Variants in TASP1 observed in about 807,000 individuals in gnomAD.
TASP1 encodes threonine aspartase 1.
In TASP1, 16 loss-of-function variants were observed where a neutral mutation model predicts 56.6. That is an observed-to-expected ratio of 0.28 (90% CI 0.19 to 0.43). TASP1 has a LOEUF of 0.43. TASP1 is among the 20% of genes least tolerant of loss of function. The pLI is 1.00. For missense variants in TASP1, 393 were observed against 511.6 expected, an observed-to-expected ratio of 0.77 and a Z score of 2.24; for synonymous variants, 179 against 184.2, an observed-to-expected ratio of 0.97 and a Z score of 0.23.
chr20:13,391,460 A>G (rs1486273341), intron 13 of TASP1, among the ~76,000 whole-genome samples: 1 of 152,160 alleles, frequency 6.6e-6, no homozygotes, highest in Non-Finnish European at 1.5e-5. Context: ...AACTTCACGC[A>G]ATCCTCTCTA....
At chr20:13,230,769 A>G in the TASP1 span, among the ~76,000 whole-genome samples, 13,118 of 151,802 alleles carry the variant, frequency 0.086, 678 homozygotes, top group East Asian at 0.22. Flanking sequence ...AAGAAAAGAA[A>G]AAAAAACCTC....
chr20:13,246,939 T>A, the TASP1 span, among the ~76,000 whole-genome samples: 3 of 151,422 alleles, frequency 2.0e-5, no homozygotes, highest in South Asian at 2.1e-4. Flanking sequence ...GATTTAAAAA[T>A]ATATATATGT....
At chr20:13,112,957 T>G in the TASP1 span, among the ~76,000 whole-genome samples, 2 of 152,060 alleles carry the variant, frequency 1.3e-5, no homozygotes, top group African/African-American at 4.8e-5. Flanking sequence ...CCAAGGCAGG[T>G]GGATTACTTG....
intron 10 of TASP1, among the ~76,000 whole-genome samples, chr20:13,489,102 A>C (rs2043429407): frequency 6.6e-6 from 1 of 152,124 alleles, no homozygotes; most frequent in African/African-American, 2.4e-5. Flanking sequence ...CATCACCTGA[A>C]GATCTGCTTC....
the TASP1 span, among the ~76,000 whole-genome samples, chr20:13,225,746 C>G: frequency 6.6e-6 from 1 of 152,168 alleles, no homozygotes; most frequent in Non-Finnish European, 1.5e-5. Flanking sequence ...CATTAAAATG[C>G]ATGGAAACAT....
At chr20:13,176,621 T>C in the TASP1 span, among the ~76,000 whole-genome samples, 1 of 152,174 alleles carries the variant, frequency 6.6e-6, no homozygotes, top group Non-Finnish European at 1.5e-5. Context: ...AGTATTATGT[T>C]AAGGATTTTT....
intron 4 of TASP1, among the ~76,000 whole-genome samples, chr20:13,599,686 A>G (rs2047883028): frequency 6.6e-6 from 1 of 152,124 alleles, no homozygotes; most frequent in Admixed American, 6.5e-5. Flanking sequence ...TTTTAAAAAA[A>G]AATCAATGTA....
chr20:13,298,363 G>A, the TASP1 span, among the ~76,000 whole-genome samples: 1 of 152,102 alleles, frequency 6.6e-6, no homozygotes, highest in Non-Finnish European at 1.5e-5. Flanking sequence ...TGATCCGCCC[G>A]CCTCAGCCTC....
At chr20:13,390,890 C>G (rs1471262706) in intron 13 of TASP1, among the ~76,000 whole-genome samples, 1 of 152,130 alleles carries the variant, frequency 6.6e-6, no homozygotes, top group Admixed American at 6.5e-5. Flanking sequence ...AAATTTATTC[C>G]TTAAAGAATT....
At chr20:13,406,668 C>CT (rs149352395) in intron 13 of TASP1, among the ~76,000 whole-genome samples, 2,992 of 117,646 alleles carry the variant, frequency 0.025, 104 homozygotes, top group African/African-American at 0.072. Context: ...AGGGTTTTTT[C>CT]TTTTTTTTTT....
rs536506153 is a variant in TASP1, at chr20:13,534,814, TACTG to T, written c.676-677_676-674del. Among the ~76,000 whole-genome samples the T allele has an allele frequency of 3.3e-5, 5 of 152,304 alleles. No homozygotes were observed. The South Asian group carries it at 1.0e-3, about 32-fold the overall frequency. ...CATGTTTAAGGCACATAGTGATATT[TACTG>T]ACTATGAGCCGCTGTCTCCTACCTC... On this transcript the variant is annotated intron_variant, in intron 8 of 13. Coordinates refer to ENST00000337743, the MANE Select transcript of TASP1 (RefSeq NM_017714.3).
At chr20:13,270,557 C>G in the TASP1 span, 1 of 1,613,898 alleles carries the variant, frequency 6.2e-7, no homozygotes, top group Non-Finnish European at 8.5e-7. Context: ...TTTCTCTCTC[C>G]AAAGAAGCAC....
chr20:13,611,849 A>AT (rs1475841181), intron 4 of TASP1, among the ~76,000 whole-genome samples: 1 of 152,230 alleles, frequency 6.6e-6, no homozygotes, highest in African/African-American at 2.4e-5. Flanking sequence ...AGATGCTTAT[A>AT]TTAGTCTCCT....
the TASP1 span, among the ~76,000 whole-genome samples, chr20:13,364,092 A>C: frequency 6.6e-6 from 1 of 152,214 alleles, no homozygotes; most frequent in Non-Finnish European, 1.5e-5. Flanking sequence ...ATTTAAAAAA[A>C]AAACAAACAT....
Position 13,483,291 on chromosome 20 carries a change from T to A in TASP1, c.921A>T (p.Ser307=). The A allele has an allele frequency of 1.2e-6, 2 of 1,605,732 alleles. No homozygotes were observed. Among genetic ancestry groups the A allele is most frequent in the African/African-American group, 1.3e-5 (1 of 74,746 alleles). ...LVRTILAREC[S]HALQAEDAHQ... ...GAGCATCCTCAGCTTGTAAAGCATG[T>A]GAACATTCTCTAGCCAGTATGGTGC... The change falls in exon 11 of 14, where the codon TCA becomes TCT. Residue 307 remains serine, a synonymous_variant. Coordinates refer to ENST00000337743, the MANE Select transcript of TASP1 (RefSeq NM_017714.3).
At chr20:13,588,250 AAAGGAAGGAAGG>A (rs71334135) in intron 4 of TASP1, among the ~76,000 whole-genome samples, 4,899 of 96,606 alleles carry the variant, frequency 0.051, 149 homozygotes, top group South Asian at 0.11. Flanking sequence ...AGAAAGGAAG[AAAGGAAGGAAGG>A]AAGGAAGGAA....
At chr20:13,292,290 G>A in the TASP1 span, 5 of 816,210 alleles carry the variant, frequency 6.1e-6, no homozygotes, top group Non-Finnish European at 1.0e-5. Flanking sequence ...CTTTGTTCAG[G>A]TGTATTTATT....
the TASP1 span, among the ~76,000 whole-genome samples, chr20:13,192,014 A>AT: frequency 2.0e-5 from 3 of 152,212 alleles, no homozygotes; most frequent in Non-Finnish European, 4.4e-5. Flanking sequence ...AGTCTGTGGT[A>AT]TTCTGTTATA....
At chr20:13,486,970 G>A (rs2043341799) in intron 10 of TASP1, among the ~76,000 whole-genome samples, 1 of 152,064 alleles carries the variant, frequency 6.6e-6, no homozygotes, top group Non-Finnish European at 1.5e-5. Context: ...ACAATGTACT[G>A]GAGATTTCAG....
Sources: allele counts gnomAD v4.1 joint callset (sites outside exome capture counted in the v4.1 genomes callset), GRCh38; gene constraint gnomAD v4.1.1; transcripts MANE v1.5; gene names NCBI Gene and HGNC (gene_info 2026-07-23, HGNC 2026-07-21).